Variants in AKT3 observed in about 807,000 individuals in gnomAD.
AKT3 encodes the protein RAC-gamma serine/threonine-protein kinase.
Under a neutral mutation model 65.3 loss-of-function variants are expected in AKT3, and 15 were observed. The ratio of observed to expected loss-of-function variants is 0.23; its 90% CI spans 0.15 to 0.35. AKT3 has a LOEUF of 0.35. Among genes scored for constraint, AKT3 ranks in the 10% least tolerant of loss-of-function variants. The probability of loss-of-function intolerance (pLI) is 1.00; values close to 1 mark genes in which losing one functional copy is unlikely to be tolerated. For synonymous variants in AKT3, 206 were observed against 183.8 expected (o/e 1.12, Z -0.98); for missense variants, 243 against 576.5 (o/e 0.42, Z 5.92).
intron 12 of AKT3, among the ~76,000 whole-genome samples, chr1:243,533,764 G>C (rs899087351): frequency 6.6e-6 from 1 of 152,182 alleles, no homozygotes; most frequent in Non-Finnish European, 1.5e-5. Flanking sequence ...GCTGAGGTGG[G>C]CGGATCACGA....
intron 2 of AKT3, among the ~76,000 whole-genome samples, chr1:243,776,791 T>C (rs1410397495): frequency 6.6e-6 from 1 of 152,218 alleles, no homozygotes; most frequent in Admixed American, 6.5e-5. Flanking sequence ...GTCTCTGATA[T>C]GTCTGAGTGC....
intron 2 of AKT3, among the ~76,000 whole-genome samples, chr1:243,707,911 CTT>C (rs1184394614): frequency 6.6e-6 from 1 of 151,994 alleles, no homozygotes; most frequent in Non-Finnish European, 1.5e-5. Context: ...GTAAATTACT[CTT>C]GATTCATATT....
intron 10 of AKT3, among the ~76,000 whole-genome samples, chr1:243,561,699 C>A (rs930035782): frequency 4.6e-5 from 7 of 152,180 alleles, no homozygotes; most frequent in African/African-American, 1.7e-4. Flanking sequence ...CCTATAGCCA[C>A]AATAACTGTA....
intron 3 of AKT3, among the ~76,000 whole-genome samples, chr1:243,672,079 G>A (rs1298770156): frequency 1.3e-5 from 2 of 152,164 alleles, no homozygotes; most frequent in African/African-American, 2.4e-5. Context: ...TGATAACAGT[G>A]TTTGAGCGGG....
chr1:243,560,986 A>T, intron 10 of AKT3, among the ~76,000 whole-genome samples: 1 of 152,128 alleles, frequency 6.6e-6, no homozygotes, highest in South Asian at 2.1e-4. Context: ...TTATAAAAAC[A>T]ATTCTATTCT....
intron 6 of AKT3, among the ~76,000 whole-genome samples, chr1:243,635,955 C>T (rs932599013): frequency 4.6e-5 from 7 of 151,984 alleles, no homozygotes; most frequent in Non-Finnish European, 8.8e-5. Flanking sequence ...AGCAGCAAGG[C>T]ACTACTTCAA....
chr1:243,816,081 C>A (rs12739182), intron 2 of AKT3, among the ~76,000 whole-genome samples: 158 of 152,184 alleles, frequency 1.0e-3, no homozygotes, highest in Non-Finnish European at 2.0e-3. Context: ...GGGATGTAGT[C>A]ATCAGAAGAC....
intron 2 of AKT3, among the ~76,000 whole-genome samples, chr1:243,751,942 C>A (rs1205750799): frequency 6.6e-6 from 1 of 152,080 alleles, no homozygotes; most frequent in Non-Finnish European, 1.5e-5. Flanking sequence ...CACATTTATA[C>A]CCCACTCAAC....
intron 2 of AKT3, among the ~76,000 whole-genome samples, chr1:243,841,971 G>C (rs1247514850): frequency 6.6e-6 from 1 of 152,128 alleles, no homozygotes; most frequent in African/African-American, 2.4e-5. Context: ...CAAAATTATA[G>C]TAACAGCAGA....
At chr1:243,733,972 A>G (rs557065674) in intron 2 of AKT3, among the ~76,000 whole-genome samples, 1 of 152,332 alleles carries the variant, frequency 6.6e-6, no homozygotes, top group Admixed American at 6.5e-5. Flanking sequence ...TCTAAAACCA[A>G]AATTTTCAAA....
At position 243,523,260 on chromosome 1, in the gene AKT3, AACACACACACACAC is replaced by A. The variant is rs547403507; in HGVS notation, c.1252-10848_1252-10835del. On this transcript the variant is annotated intron_variant, in intron 12 of 13. Coordinates refer to ENST00000673466, the MANE Select transcript of AKT3 (RefSeq NM_005465.7). ...TGAAGCTCTGGCTCCAAAAAGGACG[AACACACACACACAC>A]ACACACACACACACACACACACACA... is the stretch of plus-strand genomic sequence containing the variant. 8.4e-4 allele frequency among the ~76,000 whole-genome samples: 106 copies of A among 126,512 alleles called. 1 individual carries two copies. Among genetic ancestry groups the A allele is most frequent in the East Asian group, 1.4e-3 (6 of 4,170 alleles). 83.0% of individuals were successfully genotyped at this position (126,512 alleles called of 152,430 possible).
intron 8 of AKT3, 87 bp downstream of exon 8, chr1:243,613,584 T>G (rs1233309175): frequency 1.0e-6 from 1 of 1,000,324 alleles, no homozygotes; most frequent in Non-Finnish European, 1.4e-6. Flanking sequence ...AATGGAGAAC[T>G]GCTATATTGT....
chr1:243,592,368 CA>C (rs1042183344), intron 8 of AKT3, among the ~76,000 whole-genome samples: 16 of 150,286 alleles, frequency 1.1e-4, no homozygotes, highest in East Asian at 5.9e-4. Flanking sequence ...AACAAACAAA[CA>C]AAAAACCCTA....
chr1:243,573,091 T>C, intron 8 of AKT3, 43 bp from the exon 9 acceptor site: 1 of 1,602,130 alleles, frequency 6.2e-7, no homozygotes, highest in Non-Finnish European at 8.5e-7. Context: ...TAATTACTGA[T>C]TTAGTGGGGG....
At chr1:243,695,544 T>C (rs1685008136) in intron 3 of AKT3, 47 bp downstream of exon 3, 1 of 1,505,482 alleles carries the variant, frequency 6.6e-7, no homozygotes. Context: ...CATAAAATCA[T>C]AAAAATAAAT....
intron 8 of AKT3, among the ~76,000 whole-genome samples, chr1:243,596,268 C>G (rs1012344579): frequency 6.6e-6 from 1 of 152,070 alleles, no homozygotes; most frequent in Non-Finnish European, 1.5e-5. Context: ...AAATTAAAAA[C>G]GTCTGTTCCT....
intron 3 of AKT3, chr1:243,687,962 C>T (rs569839603): frequency 6.6e-6 from 1 of 152,044 alleles, no homozygotes; most frequent in Non-Finnish European, 1.5e-5. Context: ...CAGTGGGATA[C>T]ACCTGTTAAC....
chr1:243,780,463 C>A (rs1437319301), intron 2 of AKT3, among the ~76,000 whole-genome samples: 4 of 151,776 alleles, frequency 2.6e-5, no homozygotes, highest in African/African-American at 9.7e-5. Flanking sequence ...AGGAAACATG[C>A]ACTTAAGTAT....
intron 2 of AKT3, among the ~76,000 whole-genome samples, chr1:243,829,463 T>C (rs570046933): frequency 2.0e-5 from 3 of 152,164 alleles, no homozygotes; most frequent in South Asian, 4.1e-4. Flanking sequence ...AAAAGGTATA[T>C]TCAAACTAGA....
Sources: gnomAD v4.1 joint callset for allele counts (sites outside exome capture counted in the v4.1 genomes callset) on GRCh38, gnomAD v4.1.1 for gene constraint, MANE v1.5 for transcripts, NCBI Gene and HGNC (gene_info 2026-07-23, HGNC 2026-07-21) for gene names.